SEMA3A: variants seen among roughly 807,000 people sequenced by gnomAD.
SEMA3A encodes semaphorin-3A.
Under a neutral mutation model 97.9 loss-of-function variants are expected in SEMA3A, and 29 were observed. That is an observed-to-expected ratio of 0.30 (90% CI 0.22 to 0.40). The LOEUF (loss-of-function observed/expected upper bound fraction) is 0.40, where lower values mean the gene tolerates loss of function less well. SEMA3A is among the 10% of genes least tolerant of loss of function. SEMA3A has a pLI of 1.00. For missense variants in SEMA3A, 763 were observed against 951.3 expected, an observed-to-expected ratio of 0.80 and a Z score of 2.60; for synonymous variants, 321 against 323.7, an observed-to-expected ratio of 0.99 and a Z score of 0.09.
chr7:84,154,704 C>CA (rs1796787528), intron 1 of SEMA3A, among the ~76,000 whole-genome samples: 6 of 136,744 alleles, frequency 4.4e-5, no homozygotes, highest in South Asian at 2.4e-4. Context: ...AAAAAAAAAA[C>CA]AAAAAAAAGA....
intron 6 of SEMA3A, among the ~76,000 whole-genome samples, chr7:84,020,731 G>A (rs1304976238): frequency 2.0e-5 from 3 of 151,886 alleles, no homozygotes; most frequent in Admixed American, 6.6e-5. Flanking sequence ...TATTTATATG[G>A]TTTTCATTTT....
At chr7:84,282,370 C>T (rs917834604) in intron 3 of SEMA3A, among the ~76,000 whole-genome samples, 2 of 152,140 alleles carry the variant, frequency 1.3e-5, no homozygotes, top group South Asian at 4.1e-4. Context: ...CCTCCAAAAG[C>T]TTTGTAAATA....
At chr7:83,977,788 C>CTTTTTTTTTTTTTTTTTTTT (rs139682272) in intron 14 of SEMA3A, among the ~76,000 whole-genome samples, 4 of 141,070 alleles carry the variant, frequency 2.8e-5, no homozygotes, top group Non-Finnish European at 3.0e-5. Flanking sequence ...TCAACCTATC[C>CTTTTTTTTTTTTTTTTTTTT]TTTTTTTTTT....
At chr7:84,121,300 T>C (rs1465442422) in intron 3 of SEMA3A, among the ~76,000 whole-genome samples, 1 of 152,134 alleles carries the variant, frequency 6.6e-6, no homozygotes, top group Non-Finnish European at 1.5e-5. Flanking sequence ...CATGTTGCTG[T>C]GCTGCACCAT....
intron 1 of SEMA3A, among the ~76,000 whole-genome samples, chr7:84,431,336 A>G (rs1159247648): frequency 3.9e-5 from 6 of 152,026 alleles, no homozygotes; most frequent in Admixed American, 3.3e-4. Flanking sequence ...TGATTCATTG[A>G]TATCTAATTC....
chr7:83,980,623 A>ATATATATAT (rs1554383377), intron 14 of SEMA3A, among the ~76,000 whole-genome samples: 6 of 71,756 alleles, frequency 8.4e-5, no homozygotes, highest in African/African-American at 5.0e-4. Context: ...AAAAAAAAAA[A>ATATATATAT]ATATATATAT....
At chr7:84,048,026 T>C (rs1286491946) in intron 5 of SEMA3A, among the ~76,000 whole-genome samples, 1 of 151,976 alleles carries the variant, frequency 6.6e-6, no homozygotes, top group Admixed American at 6.6e-5. Context: ...TAAACATCCA[T>C]AGATATGAAT....
intron 1 of SEMA3A, among the ~76,000 whole-genome samples, chr7:84,141,463 TA>T (rs1796288940): frequency 2.0e-5 from 3 of 152,148 alleles, no homozygotes; most frequent in Admixed American, 2.0e-4. Context: ...ACCAGATGCT[TA>T]TTTTTAGTTA....
rs1359110193 is a variant in SEMA3A, at chr7:84,299,258, A to ATC, written c.-83+7947_-83+7948dup. The stretch of plus-strand genomic sequence containing the variant: ...AAACAGTGTGTATATATATATATAT[A>ATC]TCTCCATATATATATCTCCATATAT... On this transcript the variant is annotated intron_variant, in intron 3 of 3. Transcript: ENST00000424555. Among the ~76,000 whole-genome samples, 3 of 138,204 alleles carry ATC rather than the reference A, an allele frequency of 2.2e-5. 1 individual carries two copies. Among genetic ancestry groups the ATC allele is most frequent in the East Asian group, 4.3e-4 (2 of 4,666 alleles). The allele number at this position is 138,204 out of a possible 152,430, so 90.7% of individuals were successfully genotyped here. A position where few individuals can be genotyped will look rare whatever the true frequency, so the allele number is the denominator to read the frequency against.
At chr7:83,968,149 T>C (rs933127636) in intron 15 of SEMA3A, among the ~76,000 whole-genome samples, 4 of 152,156 alleles carry the variant, frequency 2.6e-5, no homozygotes, top group Non-Finnish European at 4.4e-5. Context: ...ACTAAGGAAA[T>C]ATTGGTGAGT....
intron 1 of SEMA3A, among the ~76,000 whole-genome samples, chr7:84,406,132 CA>C (rs1477102820): frequency 3.3e-5 from 5 of 151,988 alleles, no homozygotes; most frequent in African/African-American, 1.2e-4. Context: ...AAAAGATCAA[CA>C]AAATTGATAG....
At chr7:84,118,411 A>G (rs1178371622) in intron 3 of SEMA3A, among the ~76,000 whole-genome samples, 1 of 152,136 alleles carries the variant, frequency 6.6e-6, no homozygotes, top group Admixed American at 6.5e-5. Flanking sequence ...CCTTTTCTAT[A>G]GGTTGGTTTA....
At chr7:84,455,676 A>G (rs915443016) in intron 1 of SEMA3A, among the ~76,000 whole-genome samples, 1 of 152,008 alleles carries the variant, frequency 6.6e-6, no homozygotes, top group Non-Finnish European at 1.5e-5. Flanking sequence ...TATTAGAAAT[A>G]CAGTTGTGTA....
chr7:84,338,885 A>C (rs1209643751), intron 2 of SEMA3A, among the ~76,000 whole-genome samples: 1 of 152,200 alleles, frequency 6.6e-6, no homozygotes, highest in East Asian at 1.9e-4. Context: ...GATGGGAACA[A>C]GAGAACTGCA....
intron 6 of SEMA3A, among the ~76,000 whole-genome samples, chr7:84,041,271 G>C (rs558885718): frequency 6.6e-6 from 1 of 152,130 alleles, no homozygotes; most frequent in South Asian, 2.1e-4. Flanking sequence ...AGGATATCAA[G>C]TGATGGTATA....
chr7:84,098,510 A>C (rs1794848474), intron 4 of SEMA3A, among the ~76,000 whole-genome samples: 1 of 152,104 alleles, frequency 6.6e-6, no homozygotes, highest in African/African-American at 2.4e-5. Flanking sequence ...TTCTAGCACT[A>C]GTTTTATTAA....
At chr7:84,203,526 A>ATTTTTTTTTTTTTTTTTTT (rs35519031) in intron 3 of SEMA3A, among the ~76,000 whole-genome samples, 1 of 25,658 alleles carries the variant, frequency 3.9e-5, no homozygotes, top group Non-Finnish European at 7.1e-5. Context: ...ATATATATAT[A>ATTTTTTTTTTTTTTTTTTT]TTTTTTTTTT....
chr7:84,145,082 C>G (rs140356383), intron 1 of SEMA3A, among the ~76,000 whole-genome samples: 1 of 152,246 alleles, frequency 6.6e-6, no homozygotes, highest in East Asian at 1.9e-4. Flanking sequence ...TCTATAGTCT[C>G]ACAGATTAGA....
At chr7:84,065,984 C>A (rs1039538219) in intron 4 of SEMA3A, among the ~76,000 whole-genome samples, 1 of 151,544 alleles carries the variant, frequency 6.6e-6, no homozygotes, top group Non-Finnish European at 1.5e-5. Context: ...GAATTTTAGA[C>A]CAATATCCTT....
Sources: allele counts gnomAD v4.1 joint callset (sites outside exome capture counted in the v4.1 genomes callset), GRCh38; gene constraint gnomAD v4.1.1; transcripts MANE v1.5; gene names NCBI Gene and HGNC (gene_info 2026-07-23, HGNC 2026-07-21).